CACNB2: variants seen among roughly 807,000 people sequenced by gnomAD.
CACNB2 encodes calcium voltage-gated channel auxiliary subunit beta 2, also known as voltage-dependent L-type calcium channel subunit beta-2.
CACNB2 carries 42 observed loss-of-function variants against 73.3 expected under a neutral mutation model. The observed-to-expected ratio is 0.57, with a 90% CI of 0.45 to 0.74. The LOEUF (loss-of-function observed/expected upper bound fraction) is 0.74, where lower values mean the gene tolerates loss of function less well. Ranked by LOEUF, CACNB2 falls within the 30% of genes least tolerant of loss-of-function variation. The probability of loss-of-function intolerance (pLI) is 0.00; values close to 1 mark genes in which losing one functional copy is unlikely to be tolerated. For synonymous variants in CACNB2, 348 were observed against 310.3 expected (o/e 1.12, Z -1.28); for missense variants, 940 against 853.0 (o/e 1.10, Z -1.27).
intron 3 of CACNB2, among the ~76,000 whole-genome samples, chr10:18,419,181 C>T (rs2045177406): frequency 6.6e-6 from 1 of 152,196 alleles, no homozygotes; most frequent in African/African-American, 2.4e-5. Context: ...CTACTTGCTT[C>T]TCCTCTGAGC....
chr10:18,182,358 G>C (rs369824741), intron 2 of CACNB2, among the ~76,000 whole-genome samples: 6 of 151,700 alleles, frequency 4.0e-5, no homozygotes, highest in Admixed American at 1.3e-4. Context: ...AAGGTAGAAG[G>C]GGTAAAAATG....
intron 2 of CACNB2, among the ~76,000 whole-genome samples, chr10:18,188,522 C>T (rs1280848250): frequency 7.0e-6 from 1 of 141,984 alleles, no homozygotes; most frequent in Non-Finnish European, 1.6e-5. Flanking sequence ...CCAGGCTGCT[C>T]TGGAACTCCT....
chr10:18,230,888 G>T (rs1438639756), intron 2 of CACNB2, among the ~76,000 whole-genome samples: 1 of 150,850 alleles, frequency 6.6e-6, no homozygotes, highest in African/African-American at 2.4e-5. Context: ...TATACAAGAA[G>T]GGATTAAAAT....
chr10:18,241,509 A>G (rs1238971118), intron 2 of CACNB2, among the ~76,000 whole-genome samples: 1 of 152,044 alleles, frequency 6.6e-6, no homozygotes, highest in Non-Finnish European at 1.5e-5. Flanking sequence ...GGTGCAGCAA[A>G]CCACCATGGC....
intron 2 of CACNB2, among the ~76,000 whole-genome samples, chr10:18,344,372 C>G (rs1223565718): frequency 1.4e-5 from 2 of 141,526 alleles, no homozygotes; most frequent in Non-Finnish European, 3.1e-5. Context: ...ATTGACAAAA[C>G]TTTTTTTTTT....
chr10:18,475,910 G>A (rs1319583586), intron 3 of CACNB2, among the ~76,000 whole-genome samples: 1 of 152,122 alleles, frequency 6.6e-6, no homozygotes, highest in African/African-American at 2.4e-5. Context: ...CCCTGAGAGT[G>A]GGTTCTTGGA....
chr10:18,445,029 G>A (rs188402680), intron 3 of CACNB2, among the ~76,000 whole-genome samples: 1 of 152,120 alleles, frequency 6.6e-6, no homozygotes, highest in Non-Finnish European at 1.5e-5. Flanking sequence ...CCAAGTGTTT[G>A]TTGCTCATTT....
In CACNB2 at chr10:18,314,120, A is replaced by G. The variant is rs903285893; in HGVS notation, c.214-87804A>G. On this transcript the variant is annotated intron_variant, in intron 2 of 13. Transcript: ENST00000324631. ...TGAATCAATGATTGGACACACGTATACATGGATTTTATCACTTGGAAACTC... is the reference window on the plus strand; with the variant it reads ...TGAATCAATGATTGGACACACGTATGCATGGATTTTATCACTTGGAAACTC... Among the ~76,000 whole-genome samples, 9 of 151,510 alleles carry G rather than the reference A, an allele frequency of 5.9e-5. No individual in the cohort carries two copies. The Admixed American group carries it at 5.9e-4, about 10-fold the overall frequency.
At chr10:18,413,814 T>A (rs1179748407) in intron 3 of CACNB2, among the ~76,000 whole-genome samples, 2 of 152,188 alleles carry the variant, frequency 1.3e-5, no homozygotes, top group Non-Finnish European at 2.9e-5. Context: ...GATAATTGAA[T>A]AAGCTGTTAC....
chr10:18,248,766 T>C (rs574701520), intron 2 of CACNB2, among the ~76,000 whole-genome samples: 1 of 152,324 alleles, frequency 6.6e-6, no homozygotes, highest in African/African-American at 2.4e-5. Context: ...CCTCAGATCC[T>C]CATTTCCTTC....
At chr10:18,203,493 C>T (rs2131320409) in intron 2 of CACNB2, among the ~76,000 whole-genome samples, 1 of 152,156 alleles carries the variant, frequency 6.6e-6, no homozygotes, top group South Asian at 2.1e-4. Flanking sequence ...CAATTTTATT[C>T]AAGATTAAAA....
intron 2 of CACNB2, among the ~76,000 whole-genome samples, chr10:18,249,869 C>T (rs1270292865): frequency 6.6e-6 from 1 of 152,188 alleles, no homozygotes; most frequent in East Asian, 1.9e-4. Flanking sequence ...ATTAATATCC[C>T]TGCAAAAGTA....
intron 2 of CACNB2, chr10:18,261,445 G>A: frequency 7.9e-7 from 1 of 1,273,372 alleles, no homozygotes. Flanking sequence ...CGATCATTTC[G>A]TACCATGAGT....
intron 2 of CACNB2, among the ~76,000 whole-genome samples, chr10:18,289,284 G>GTTTTTTTTTTTTTTTTTTTT (rs1489491866): frequency 1.2e-4 from 10 of 85,566 alleles, no homozygotes; most frequent in South Asian, 4.4e-4. Flanking sequence ...TTTTTTTCTT[G>GTTTTTTTTTTTTTTTTTTTT]TTTTTTTGTT....
intron 3 of CACNB2, among the ~76,000 whole-genome samples, chr10:18,427,851 T>C (rs2045684494): frequency 6.6e-6 from 1 of 152,128 alleles, no homozygotes; most frequent in South Asian, 2.1e-4. Context: ...AATCTCACTA[T>C]ATATTTTTGA....
intron 3 of CACNB2, among the ~76,000 whole-genome samples, chr10:18,464,311 T>C (rs1161402763): frequency 1.3e-5 from 2 of 149,486 alleles, no homozygotes; most frequent in Admixed American, 6.8e-5. Context: ...CTTGGGAGGC[T>C]GACATGGGAG....
chr10:18,394,482 C>T (rs904745940), intron 2 of CACNB2, among the ~76,000 whole-genome samples: 1 of 152,168 alleles, frequency 6.6e-6, no homozygotes, highest in African/African-American at 2.4e-5. Context: ...CAGACACATG[C>T]ATGGCACTTG....
In CACNB2 at chr10:18,188,292, C is replaced by T. The variant is rs563837489; in HGVS notation, c.213+37317C>T. Reference sequence around the variant, plus strand: ...CCTCCTTTCCTTCTTGCCTCCTTTCCTTCCTGCCCACCTGCCTTCCTGCCT... The same window carrying T: ...CCTCCTTTCCTTCTTGCCTCCTTTCTTTCCTGCCCACCTGCCTTCCTGCCT... On this transcript the variant is annotated intron_variant, in intron 2 of 13. Coordinates refer to ENST00000324631, the MANE Select transcript of CACNB2 (RefSeq NM_201596.3). 5.3e-5 allele frequency among the ~76,000 whole-genome samples: 8 copies of T among 151,852 alleles called. No individual in the cohort carries two copies. The South Asian group carries it at 1.7e-3, about 32-fold the overall frequency.
intron 2 of CACNB2, among the ~76,000 whole-genome samples, chr10:18,155,988 A>G (rs2032020678): frequency 6.6e-6 from 1 of 151,850 alleles, no homozygotes; most frequent in African/African-American, 2.4e-5. Flanking sequence ...AGAGCATTTT[A>G]TTACTCTTTG....
Sources: gnomAD v4.1 joint callset for allele counts (sites outside exome capture counted in the v4.1 genomes callset) on GRCh38, gnomAD v4.1.1 for gene constraint, MANE v1.5 for transcripts, NCBI Gene and HGNC (gene_info 2026-07-23, HGNC 2026-07-21) for gene names.